MICU1: variants seen among roughly 807,000 people sequenced by gnomAD.
The protein encoded by MICU1 is calcium uptake protein 1, mitochondrial.
MICU1 carries 45 observed loss-of-function variants against 56.8 expected under a neutral mutation model. That is an observed-to-expected ratio of 0.79 (90% CI 0.62 to 1.02). The LOEUF is 1.02. Ranked by LOEUF, MICU1 falls within the 50% of genes least tolerant of loss-of-function variation. The pLI is 0.00. For synonymous variants in MICU1, 186 were observed against 195.1 expected (o/e 0.95, Z 0.39); for missense variants, 504 against 587.1 (o/e 0.86, Z 1.46).
intron 1 of MICU1, among the ~76,000 whole-genome samples, chr10:72,615,527 C>A (rs1413838522): frequency 2.0e-5 from 3 of 152,096 alleles, no homozygotes; most frequent in African/African-American, 7.2e-5. Flanking sequence ...GGCAAGAATT[C>A]TGCATAGATT....
At chr10:72,456,153 A>G (rs1223808464) in intron 8 of MICU1, among the ~76,000 whole-genome samples, 1 of 152,186 alleles carries the variant, frequency 6.6e-6, no homozygotes, top group Non-Finnish European at 1.5e-5. Context: ...AAATAAAATT[A>G]CCACTGGGTA....
At chr10:72,498,929 G>A (rs1866940297) in intron 6 of MICU1, among the ~76,000 whole-genome samples, 1 of 152,058 alleles carries the variant, frequency 6.6e-6, no homozygotes, top group Non-Finnish European at 1.5e-5. Flanking sequence ...TATTAAAAGG[G>A]TAGGGCTCCA....
At chr10:72,570,222 G>A (rs574229018) in intron 1 of MICU1, among the ~76,000 whole-genome samples, 1 of 152,302 alleles carries the variant, frequency 6.6e-6, no homozygotes, top group East Asian at 1.9e-4. Context: ...TGGGATTACA[G>A]GTGTGAGCCA....
At chr10:72,452,881 C>A (rs1407657076) in intron 8 of MICU1, among the ~76,000 whole-genome samples, 1 of 151,528 alleles carries the variant, frequency 6.6e-6, no homozygotes, top group Non-Finnish European at 1.5e-5. Context: ...CCGTCGAGTC[C>A]TCTGACAGAC....
At chr10:72,393,580 A>G (rs1412804391) in intron 10 of MICU1, among the ~76,000 whole-genome samples, 1 of 152,140 alleles carries the variant, frequency 6.6e-6, no homozygotes, top group Non-Finnish European at 1.5e-5. Flanking sequence ...GAACTCAGAG[A>G]GTATACAGGG....
At chr10:72,562,274 C>T (rs764175488) in intron 3 of MICU1, among the ~76,000 whole-genome samples, 6 of 149,386 alleles carry the variant, frequency 4.0e-5, no homozygotes, top group Non-Finnish European at 5.9e-5. Flanking sequence ...CTGACTCAGC[C>T]TCCTGAGTAG....
intron 10 of MICU1, among the ~76,000 whole-genome samples, chr10:72,404,151 G>A (rs1240053805): frequency 2.6e-5 from 4 of 151,818 alleles, no homozygotes; most frequent in Admixed American, 2.6e-4. Context: ...CACCATGCCT[G>A]ACTAGTTTTT....
At chr10:72,506,086 T>TA (rs1210214514) in intron 6 of MICU1, among the ~76,000 whole-genome samples, 1 of 151,636 alleles carries the variant, frequency 6.6e-6, no homozygotes, top group Non-Finnish European at 1.5e-5. Flanking sequence ...GAAAGTAACT[T>TA]ACAAAGTAAG....
At chr10:72,472,638 A>G (rs1481220827) in intron 8 of MICU1, among the ~76,000 whole-genome samples, 1 of 152,212 alleles carries the variant, frequency 6.6e-6, no homozygotes, top group Non-Finnish European at 1.5e-5. Context: ...AAGCTGTAAA[A>G]CTTTTCAACA....
intron 1 of MICU1, among the ~76,000 whole-genome samples, chr10:72,569,237 A>ATATATATATTTTTTTT: frequency 3.8e-4 from 13 of 34,378 alleles, no homozygotes; most frequent in Non-Finnish European, 6.1e-4. Flanking sequence ...ATATATATAT[A>ATATATATATTTTTTTT]TTTTTTTTTT....
intron 5 of MICU1, among the ~76,000 whole-genome samples, chr10:72,527,269 A>C (rs1867990722): frequency 6.6e-6 from 1 of 152,206 alleles, no homozygotes; most frequent in South Asian, 2.1e-4. Flanking sequence ...TTAGACATTC[A>C]GAAGGTGGTA....
At chr10:72,445,336 G>A (rs1292408608) in intron 8 of MICU1, among the ~76,000 whole-genome samples, 1 of 152,102 alleles carries the variant, frequency 6.6e-6, no homozygotes, top group Non-Finnish European at 1.5e-5. Flanking sequence ...AAACTCTACT[G>A]TATCTTCAAT....
chr10:72,421,002 C>CAAAAAA (rs34221911), intron 9 of MICU1, among the ~76,000 whole-genome samples: 5 of 108,618 alleles, frequency 4.6e-5, no homozygotes, highest in East Asian at 3.4e-4. Flanking sequence ...AACTCCGTCT[C>CAAAAAA]AAAAAAAAAA....
intron 8 of MICU1, among the ~76,000 whole-genome samples, chr10:72,472,837 C>T (rs1865991308): frequency 6.6e-6 from 1 of 152,218 alleles, no homozygotes; most frequent in Non-Finnish European, 1.5e-5. Flanking sequence ...TGGTGGCTCA[C>T]ACCTGTAATC....
intron 8 of MICU1, among the ~76,000 whole-genome samples, chr10:72,469,374 T>G (rs929821860): frequency 6.6e-6 from 1 of 152,228 alleles, no homozygotes; most frequent in Non-Finnish European, 1.5e-5. Flanking sequence ...GGTGGAATTA[T>G]AAAACCCATA....
chr10:72,484,856 T>A (rs1364964929), intron 6 of MICU1, among the ~76,000 whole-genome samples: 1 of 152,202 alleles, frequency 6.6e-6, no homozygotes, highest in Non-Finnish European at 1.5e-5. Flanking sequence ...AATTGTATAA[T>A]CCACATAACC....
chr10:72,572,315 T>C (rs1206630291), intron 1 of MICU1, among the ~76,000 whole-genome samples: 1 of 152,204 alleles, frequency 6.6e-6, no homozygotes, highest in Non-Finnish European at 1.5e-5. Context: ...GGGCAATCCA[T>C]TTCTATATGC....
chr10:72,492,736 C>A (rs1866699957), intron 6 of MICU1, among the ~76,000 whole-genome samples: 1 of 147,622 alleles, frequency 6.8e-6, no homozygotes, highest in Non-Finnish European at 1.5e-5. Context: ...GCACTCCAGC[C>A]TGGGCGACAG....
At chr10:72,474,258 CAAAAAAAAAAAAA>C (rs55978543) in intron 8 of MICU1, among the ~76,000 whole-genome samples, 4 of 60,728 alleles carry the variant, frequency 6.6e-5, no homozygotes, top group Admixed American at 3.0e-4. Context: ...AGGACTGTCT[CAAAAAAAAAAAAA>C]AAAAAAAAAA....
Sources: allele counts gnomAD v4.1 joint callset (sites outside exome capture counted in the v4.1 genomes callset), GRCh38; gene constraint gnomAD v4.1.1; transcripts MANE v1.5; gene names NCBI Gene and HGNC (gene_info 2026-07-23, HGNC 2026-07-21).